The following NCMAP variants were observed in gnomAD, a reference collection of about 807,000 sequenced individuals.
NCMAP encodes non-compact myelin associated protein, also known as noncompact myelin-associated protein.
NCMAP carries 8 observed loss-of-function variants against 7.8 expected under a neutral mutation model. The observed-to-expected ratio is 1.02, with a 90% CI of 0.60 to 1.84. The LOEUF is 1.84. Ranked by LOEUF, NCMAP falls within the 40% of genes most tolerant of loss-of-function variation. The pLI, the probability that NCMAP is intolerant of heterozygous loss-of-function variation, is 0.00. For missense variants in NCMAP, 112 were observed against 131.4 expected (o/e 0.85, Z 0.72); for synonymous variants, 41 against 52.9 (o/e 0.78, Z 0.98).
chr1:24,604,402 C>G (rs1211987181), intron 3 of NCMAP, among the ~76,000 whole-genome samples: 1 of 149,694 alleles, frequency 6.7e-6, no homozygotes, highest in Non-Finnish European at 1.5e-5. Flanking sequence ...TAGTGAAACC[C>G]TGTCTCTACT....
In NCMAP at chr1:24,579,047, G is replaced by A. The variant is rs910389514; in HGVS notation, c.-7-16377G>A. 6.6e-5 allele frequency among the ~76,000 whole-genome samples: 10 copies of A among 152,076 alleles called. 1 individual carries two copies. The highest frequency in any genetic ancestry group is 2.4e-4 in the African/African-American group (10 of 41,410). Reference sequence around the variant, plus strand: ...ACCCGCAGACTGTGCCCGGCAGCGCGGACCTCGGCATCTTCTTGCTCCTTC... The same window carrying A: ...ACCCGCAGACTGTGCCCGGCAGCGCAGACCTCGGCATCTTCTTGCTCCTTC... On this transcript the variant is annotated intron_variant, in intron 1 of 3. Coordinates refer to ENST00000374392, the MANE Select transcript of NCMAP (RefSeq NM_001010980.5).
intron 1 of NCMAP, among the ~76,000 whole-genome samples, chr1:24,572,325 C>T (rs1344239133): frequency 1.3e-5 from 2 of 150,712 alleles, no homozygotes; most frequent in South Asian, 2.1e-4. Context: ...AGGACTCTCC[C>T]GTCCAAGGTA....
In NCMAP at chr1:24,576,744, C is replaced by A. The variant is rs1487764200; in HGVS notation, c.-7-18680C>A. ...ACTCCAGCCCAGGGTTCTTGCCCCCCATCTCAGGCCTCTCTGTTGGAGTTT... is the reference window on the plus strand; with the variant it reads ...ACTCCAGCCCAGGGTTCTTGCCCCCAATCTCAGGCCTCTCTGTTGGAGTTT... On this transcript the variant is annotated intron_variant, in intron 1 of 3. Transcript: ENST00000374392. This position sits in a 1 kb window ranked among gnomAD's most constrained non-coding sequence, Gnocchi z 4.0. 6.6e-6 allele frequency among the ~76,000 whole-genome samples: 1 copy of A among 152,128 alleles called. No homozygotes were observed. The highest frequency in any genetic ancestry group is 1.9e-4 in the East Asian group (1 of 5,198).
At chr1:24,601,067 C>T (rs1295865569) in intron 3 of NCMAP, 43 bp downstream of exon 3, 1 of 1,517,574 alleles carries the variant, frequency 6.6e-7, no homozygotes, top group Non-Finnish European at 9.2e-7. Context: ...ACGGTCCCTT[C>T]AGTGACATCA....
intron 1 of NCMAP, among the ~76,000 whole-genome samples, chr1:24,557,839 C>T (rs114838654): frequency 1.3e-5 from 2 of 152,244 alleles, no homozygotes; most frequent in South Asian, 2.1e-4. Context: ...GCGGCGCGTG[C>T]GGTGAGCTGG....
intron 2 of NCMAP, among the ~76,000 whole-genome samples, chr1:24,599,831 C>T (rs1369826945): frequency 1.1e-5 from 1 of 87,084 alleles, no homozygotes; most frequent in African/African-American, 4.2e-5. Flanking sequence ...CCCCCCCCCC[C>T]CCCCCCCCTT....
Position 24,576,602 on chromosome 1 carries a change from G to C in NCMAP, c.-7-18822G>C, listed in dbSNP as rs1651567125. Among the ~76,000 whole-genome samples the C allele has an allele frequency of 6.6e-6, 1 of 152,124 alleles. No individual in the cohort carries two copies. Among genetic ancestry groups the C allele is most frequent in the South Asian group, 2.1e-4 (1 of 4,820 alleles). ...GAAGGGGCCAGAGAGGGAGGTCCCT[G>C]GTCCCCAGCTGTTCAGTTTGCAGGA... On this transcript the variant is annotated intron_variant, in intron 1 of 3. Coordinates refer to ENST00000374392, the MANE Select transcript of NCMAP (RefSeq NM_001010980.5). This position sits in a 1 kb window ranked among gnomAD's most constrained non-coding sequence, Gnocchi z 4.0.
At chr1:24,574,258 A>C (rs1007019020) in intron 1 of NCMAP, among the ~76,000 whole-genome samples, 2 of 150,526 alleles carry the variant, frequency 1.3e-5, no homozygotes, top group Non-Finnish European at 2.9e-5. Context: ...AGCTGGAATT[A>C]CAGGTGCGTG....
At chr1:24,575,498 C>T (rs1440500782) in intron 1 of NCMAP, among the ~76,000 whole-genome samples, 1 of 152,106 alleles carries the variant, frequency 6.6e-6, no homozygotes, top group Non-Finnish European at 1.5e-5. Flanking sequence ...AATTTGTCTA[C>T]AACAGTGATT....
chr1:24,590,455 GAGA>G (rs1652011372), intron 1 of NCMAP, among the ~76,000 whole-genome samples: 1 of 152,178 alleles, frequency 6.6e-6, no homozygotes, highest in South Asian at 2.1e-4. Flanking sequence ...AGGCTAGAAG[GAGA>G]AGGTTTAGGG....
chr1:24,585,591 C>T (rs2148932438), intron 1 of NCMAP, among the ~76,000 whole-genome samples: 1 of 152,296 alleles, frequency 6.6e-6, no homozygotes, highest in Non-Finnish European at 1.5e-5. Flanking sequence ...GGCTATTTTA[C>T]AGGCAGGAAA....
chr1:24,593,563 A>T (rs1652115074), intron 1 of NCMAP, among the ~76,000 whole-genome samples: 1 of 152,240 alleles, frequency 6.6e-6, no homozygotes, highest in Non-Finnish European at 1.5e-5. Flanking sequence ...AATGGTCAGT[A>T]CGTGGGCTCC....
intron 1 of NCMAP, among the ~76,000 whole-genome samples, chr1:24,565,607 TGTG>T (rs1392857825): frequency 2.1e-5 from 3 of 145,372 alleles, no homozygotes; most frequent in Non-Finnish European, 3.0e-5. Flanking sequence ...TGTGTGTGTG[TGTG>T]TGTGTTTTGA....
intron 3 of NCMAP, among the ~76,000 whole-genome samples, chr1:24,604,988 T>C (rs150709282): frequency 0.054 from 8,171 of 151,674 alleles, 753 homozygotes; most frequent in African/African-American, 0.19. Flanking sequence ...TGGTGACAGG[T>C]GCCTGTGATC....
chr1:24,575,596 T>G (rs1473945847), intron 1 of NCMAP, among the ~76,000 whole-genome samples: 1 of 152,104 alleles, frequency 6.6e-6, no homozygotes, highest in African/African-American at 2.4e-5. Context: ...ATTTGCAAGC[T>G]CATCACTGTA....
intron 3 of NCMAP, among the ~76,000 whole-genome samples, chr1:24,601,852 A>G (rs1652504765): frequency 6.6e-6 from 1 of 152,060 alleles, no homozygotes; most frequent in South Asian, 2.1e-4. Flanking sequence ...CATCCTGGCT[A>G]ACATGGTGAA....
At chr1:24,583,720 A>G (rs573924700) in intron 1 of NCMAP, among the ~76,000 whole-genome samples, 27,044 of 146,288 alleles carry the variant, frequency 0.18, 2,662 homozygotes, top group Non-Finnish European at 0.2. Context: ...CGTCTCAGAA[A>G]AAAAAAAAAA....
chr1:24,584,042 G>T (rs1651812008), intron 1 of NCMAP, among the ~76,000 whole-genome samples: 1 of 152,180 alleles, frequency 6.6e-6, no homozygotes, highest in Non-Finnish European at 1.5e-5. Context: ...TTGAGTGTGG[G>T]CTTCCTTCCC....
chr1:24,570,226 G>A (rs1049656558), intron 1 of NCMAP, among the ~76,000 whole-genome samples: 6 of 150,382 alleles, frequency 4.0e-5, no homozygotes, highest in Admixed American at 6.6e-5. Context: ...GATTACAGGC[G>A]TGAGTCACCA....
Sources: gnomAD v4.1 joint callset for allele counts (sites outside exome capture counted in the v4.1 genomes callset) on GRCh38, gnomAD v4.1.1 for gene constraint, Gnocchi (gnomAD v3.1) non-coding constraint, MANE v1.5 for transcripts, NCBI Gene and HGNC (gene_info 2026-07-23, HGNC 2026-07-21) for gene names.